CD8B: variants seen among roughly 807,000 people sequenced by gnomAD.
The protein encoded by CD8B is T-cell surface glycoprotein CD8 beta chain.
Under a neutral mutation model 24.2 loss-of-function variants are expected in CD8B, and 6 were observed. The ratio of observed to expected loss-of-function variants is 0.25; its 90% confidence interval spans 0.14 to 0.49. The LOEUF (loss-of-function observed/expected upper bound fraction) is 0.49. Ranked by LOEUF, CD8B falls within the 20% of genes least tolerant of loss-of-function variation. The pLI is 0.98. For missense variants in CD8B, 196 were observed against 271.3 expected, an observed-to-expected ratio of 0.72 and a Z score of 1.95; for synonymous variants, 84 against 108.3, an observed-to-expected ratio of 0.78 and a Z score of 1.39.
At position 86,839,650 on chromosome 2, in the gene CD8B, CAG is replaced by C. The variant is rs2104534576; in HGVS notation, c.*2655_*2656del. ...AGGTGCCTGCTGCACAGAAAACTGA[CAG>C]AGGAGCGCAAACCACCCCTGCCCCC... On this transcript the variant is annotated 3_prime_UTR_variant, in exon 6 of 6. Transcript: ENST00000390655. Among the ~76,000 whole-genome samples the C allele has an allele frequency of 6.6e-6, 1 of 152,376 alleles. No homozygotes were observed. The highest frequency in any genetic ancestry group is 2.1e-4 in the South Asian group (1 of 4,834).
intron 2 of CD8B, among the ~76,000 whole-genome samples, chr2:86,857,441 A>C (rs918144335): frequency 6.6e-6 from 1 of 152,202 alleles, no homozygotes; most frequent in Non-Finnish European, 1.5e-5. Context: ...ATGCCTGGCC[A>C]GGCATGGTGG....
At chr2:86,853,992 C>G (rs1011449753) in intron 2 of CD8B, among the ~76,000 whole-genome samples, 1 of 152,158 alleles carries the variant, frequency 6.6e-6, no homozygotes, top group Admixed American at 6.5e-5. Context: ...CCACTCACCT[C>G]GGCCTCCAAA....
intron 5 of CD8B, among the ~76,000 whole-genome samples, chr2:86,819,973 C>A (rs1212347102): frequency 6.6e-6 from 1 of 152,106 alleles, no homozygotes. Flanking sequence ...TTCAAGACTT[C>A]AGTGGAGGAA....
intron 5 of CD8B, among the ~76,000 whole-genome samples, chr2:86,831,045 G>A (rs370649123): frequency 3.3e-5 from 5 of 151,850 alleles, no homozygotes; most frequent in African/African-American, 7.3e-5. Flanking sequence ...CAATTGTCTC[G>A]GCACTCTTTA....
chr2:86,848,202 C>T (rs1206051418), intron 3 of CD8B, among the ~76,000 whole-genome samples: 1 of 152,200 alleles, frequency 6.6e-6, no homozygotes, highest in African/African-American at 2.4e-5. Flanking sequence ...CTGTCAAATG[C>T]CTCCCTAAAA....
At chr2:86,852,379 A>G (rs1362208172) in intron 3 of CD8B, among the ~76,000 whole-genome samples, 2 of 152,156 alleles carry the variant, frequency 1.3e-5, no homozygotes, top group African/African-American at 4.8e-5. Context: ...GTACAATGTC[A>G]TGGTTTTTAG....
intron 2 of CD8B, among the ~76,000 whole-genome samples, chr2:86,854,261 A>G (rs1676120197): frequency 6.6e-6 from 1 of 152,102 alleles, no homozygotes; most frequent in African/African-American, 2.4e-5. Flanking sequence ...CCTTTGGCAC[A>G]ACGAGCCCCT....
At chr2:86,817,906 A>G (rs892985909) in intron 5 of CD8B, among the ~76,000 whole-genome samples, 20 of 152,208 alleles carry the variant, frequency 1.3e-4, no homozygotes, top group African/African-American at 4.1e-4. Flanking sequence ...AGGTAATTAC[A>G]TATTAAAAAT....
At chr2:86,818,519 G>T (rs1232539368) in intron 5 of CD8B, among the ~76,000 whole-genome samples, 1 of 152,054 alleles carries the variant, frequency 6.6e-6, no homozygotes. Context: ...TATTGTGTCT[G>T]TTCTGGTGAC....
At position 86,861,818 on chromosome 2, in the gene CD8B, CT is replaced by C. The variant is rs1410967826; in HGVS notation, c.43+4del. The C allele has an allele frequency of 1.6e-6, 2 of 1,276,480 alleles. No individual in the cohort carries two copies. The highest frequency in any genetic ancestry group is 2.0e-6 in the Non-Finnish European group (2 of 1,013,170). 79.1% of individuals were successfully genotyped at this position (1,276,480 alleles called of 1,614,324 possible). A position where few individuals can be genotyped will look rare whatever the true frequency, so the allele number is the denominator to read the frequency against. On this transcript the variant is annotated splice_donor_region_variant and intron_variant, in intron 1 of 5. Coordinates refer to ENST00000390655, the MANE Select transcript of CD8B (RefSeq NM_004931.5). ...CCTTGGGTAGCCCGCGCGCCGCCGC[CT>C]TACCTGTCAGCTGCGCGGCCAAGAG...
rs1400252430 is a variant in CD8B at position 86,838,649 on chromosome 2, C to T, written c.*3658G>A. On this transcript the variant is annotated 3_prime_UTR_variant, in exon 6 of 6. Transcript: ENST00000390655. Reference sequence around the variant, plus strand: ...TAATAGCTGGGACTACAGGCAAGCACCACCATGCCCAGAAAAAAATTTAAA... The same window carrying T: ...TAATAGCTGGGACTACAGGCAAGCATCACCATGCCCAGAAAAAAATTTAAA... Among the ~76,000 whole-genome samples the T allele has an allele frequency of 6.6e-6, 1 of 152,112 alleles. No individual in the cohort carries two copies. Among genetic ancestry groups the T allele is most frequent in the African/African-American group, 2.4e-5 (1 of 41,398 alleles).
intron 1 of CD8B, among the ~76,000 whole-genome samples, chr2:86,861,035 C>T (rs1676556637): frequency 1.3e-5 from 2 of 152,224 alleles, no homozygotes; most frequent in Admixed American, 1.3e-4. Flanking sequence ...ACGGCCTGGG[C>T]TGTTTCTATT....
intron 3 of CD8B, among the ~76,000 whole-genome samples, chr2:86,849,461 T>C (rs1558759830): frequency 6.6e-6 from 1 of 151,626 alleles, no homozygotes; most frequent in Non-Finnish European, 1.5e-5. Context: ...GTGATTCCAC[T>C]TCTATGAGAT....
intron 4 of CD8B, among the ~76,000 whole-genome samples, chr2:86,845,807 G>T (rs1675645755): frequency 6.6e-6 from 1 of 152,186 alleles, no homozygotes; most frequent in African/African-American, 2.4e-5. Context: ...TTAGAATGGG[G>T]TACATGGGCC....
intron 5 of CD8B, chr2:86,822,417 G>A: frequency 3.3e-6 from 4 of 1,215,604 alleles, no homozygotes; most frequent in Non-Finnish European, 4.8e-6. Flanking sequence ...AATGTTAAAA[G>A]CAATGGAAAT....
At chr2:86,819,134 G>T (rs1674369723) in intron 5 of CD8B, among the ~76,000 whole-genome samples, 2 of 152,204 alleles carry the variant, frequency 1.3e-5, no homozygotes, top group Admixed American at 1.3e-4. Flanking sequence ...GGAGAGGTTG[G>T]TTGATTCAAG....
chr2:86,860,597 G>T (rs947188849), intron 1 of CD8B, among the ~76,000 whole-genome samples: 1 of 152,170 alleles, frequency 6.6e-6, no homozygotes, highest in Non-Finnish European at 1.5e-5. Context: ...ATGTGCTCAA[G>T]GTCACACAGT....
chr2:86,845,016 C>T, intron 4 of CD8B, 58 bp from the exon 5 acceptor site: 1 of 1,552,348 alleles, frequency 6.4e-7, no homozygotes, highest in East Asian at 2.4e-5. Flanking sequence ...TGCGCTGAGC[C>T]CCAGAGGCCA....
At chr2:86,836,122 G>C (rs986733971), downstream of CD8B, among the ~76,000 whole-genome samples, 3 of 152,104 alleles carry the variant, frequency 2.0e-5, no homozygotes, top group African/African-American at 2.4e-5. Context: ...AAAGGTGGGT[G>C]GGTGGATGGG....
Sources: allele counts gnomAD v4.1 joint callset (sites outside exome capture counted in the v4.1 genomes callset), GRCh38; gene constraint gnomAD v4.1.1; transcripts MANE v1.5; gene names NCBI Gene and HGNC (gene_info 2026-07-23, HGNC 2026-07-21).